The following SGCZ variants were observed in gnomAD, a reference collection of about 807,000 sequenced individuals.
SGCZ encodes sarcoglycan zeta, also known as zeta-sarcoglycan.
Under a neutral mutation model 41.3 loss-of-function variants are expected in SGCZ, and 40 were observed. That is an observed-to-expected ratio of 0.97 (90% CI 0.75 to 1.26). The LOEUF (loss-of-function observed/expected upper bound fraction) is 1.26, where lower values mean the gene tolerates loss of function less well. Among genes scored for constraint, SGCZ ranks in the 50% most tolerant of loss-of-function variants. The pLI, the probability that SGCZ is intolerant of heterozygous loss-of-function variation, is 0.00. For missense variants in SGCZ, 552 were observed against 369.8 expected (o/e 1.49, Z -4.04); for synonymous variants, 206 against 137.5 (o/e 1.50, Z -3.49).
intron 1 of SGCZ, among the ~76,000 whole-genome samples, chr8:14,957,021 T>C (rs1327558351): frequency 6.6e-6 from 1 of 152,068 alleles, no homozygotes; most frequent in Non-Finnish European, 1.5e-5. Flanking sequence ...CCTAGCACGA[T>C]AGAAAAAAAC....
intron 1 of SGCZ, among the ~76,000 whole-genome samples, chr8:15,053,201 T>C (rs528992032): frequency 6.6e-5 from 10 of 152,312 alleles, no homozygotes; most frequent in Admixed American, 5.2e-4. Context: ...CAAACACTAA[T>C]ACCACACCAT....
chr8:14,690,848 A>T (rs936020012), intron 1 of SGCZ, among the ~76,000 whole-genome samples: 1 of 152,184 alleles, frequency 6.6e-6, no homozygotes, highest in African/African-American at 2.4e-5. Context: ...ATTTATATGG[A>T]ATACAAATTT....
chr8:14,600,307 A>T (rs1352031875), intron 1 of SGCZ, among the ~76,000 whole-genome samples: 2 of 152,030 alleles, frequency 1.3e-5, no homozygotes, highest in African/African-American at 4.8e-5. Flanking sequence ...ATTTCCTTTA[A>T]CGGCATCTAT....
At chr8:15,064,864 T>A (rs1221486493) in intron 1 of SGCZ, among the ~76,000 whole-genome samples, 1 of 152,156 alleles carries the variant, frequency 6.6e-6, no homozygotes, top group African/African-American at 2.4e-5. Flanking sequence ...GAGCAGGATC[T>A]AGACCAAACC....
In SGCZ at chr8:14,595,052, A is replaced by G. The variant is rs887365198; in HGVS notation, c.40-40126T>C. 3.3e-5 allele frequency among the ~76,000 whole-genome samples: 5 copies of G among 150,322 alleles called. No individual in the cohort carries two copies. The East Asian group carries it at 9.6e-4, about 29-fold the overall frequency. ...CGTCTAATACTTTTTGAATTATAGA[A>G]ATGGCTTTACTTATTTCTATACTGT... On this transcript the variant is annotated intron_variant, in intron 1 of 7. Coordinates refer to ENST00000382080, the MANE Select transcript of SGCZ (RefSeq NM_139167.4).
chr8:14,560,229 T>C (rs1401285601), intron 1 of SGCZ, among the ~76,000 whole-genome samples: 1 of 151,968 alleles, frequency 6.6e-6, no homozygotes, highest in African/African-American at 2.4e-5. Context: ...CCAACACAGA[T>C]AAAAGATAAA....
At chr8:15,076,251 G>A (rs903185606) in intron 1 of SGCZ, among the ~76,000 whole-genome samples, 1 of 152,064 alleles carries the variant, frequency 6.6e-6, no homozygotes, top group African/African-American at 2.4e-5. Context: ...TGGAAAGAGA[G>A]GATTATTATA....
At chr8:14,313,920 G>C (rs1416965871) in intron 3 of SGCZ, among the ~76,000 whole-genome samples, 2,734 of 118,740 alleles carry the variant, frequency 0.023, 72 homozygotes, top group African/African-American at 0.085. Context: ...CTGTGTGTGT[G>C]TGTGTGTGTG....
intron 1 of SGCZ, among the ~76,000 whole-genome samples, chr8:14,799,690 ATTT>A (rs369207193): frequency 6.6e-6 from 1 of 150,878 alleles, no homozygotes; most frequent in African/African-American, 2.4e-5. Context: ...ATAAAAAAAA[ATTT>A]TTTTTTTTAA....
chr8:14,163,718 G>T (rs1441661590), intron 5 of SGCZ, among the ~76,000 whole-genome samples: 1 of 152,116 alleles, frequency 6.6e-6, no homozygotes, highest in Non-Finnish European at 1.5e-5. Flanking sequence ...CCCAAGAACA[G>T]AGTTGATGTT....
intron 1 of SGCZ, among the ~76,000 whole-genome samples, chr8:14,601,524 G>A (rs1165626486): frequency 6.6e-6 from 1 of 152,052 alleles, no homozygotes; most frequent in Non-Finnish European, 1.5e-5. Flanking sequence ...GACAATTTAT[G>A]TGTTTTATAT....
intron 1 of SGCZ, among the ~76,000 whole-genome samples, chr8:15,102,532 T>C (rs553149217): frequency 1.3e-5 from 2 of 152,120 alleles, no homozygotes; most frequent in South Asian, 4.1e-4. Flanking sequence ...TTGTTTGTAA[T>C]GATGTATCCA....
intron 1 of SGCZ, among the ~76,000 whole-genome samples, chr8:14,761,223 T>A (rs1355843290): frequency 2.0e-5 from 3 of 152,104 alleles, no homozygotes; most frequent in Non-Finnish European, 4.4e-5. Context: ...AAATTCACAA[T>A]AAATTCCTCT....
intron 2 of SGCZ, among the ~76,000 whole-genome samples, chr8:14,489,852 G>A (rs7835653): frequency 0.48 from 69,359 of 143,882 alleles, 16,822 homozygotes; most frequent in Admixed American, 0.54. Flanking sequence ...CTGGCTCGCC[G>A]AAAAATTCTC....
At chr8:14,328,035 A>C (rs1229295966) in intron 2 of SGCZ, among the ~76,000 whole-genome samples, 2 of 152,182 alleles carry the variant, frequency 1.3e-5, no homozygotes, top group Non-Finnish European at 2.9e-5. Flanking sequence ...ATCGCACTTC[A>C]CTGTGTCTAT....
At chr8:14,473,789 T>A (rs1585562486) in intron 2 of SGCZ, among the ~76,000 whole-genome samples, 2 of 151,778 alleles carry the variant, frequency 1.3e-5, no homozygotes, top group African/African-American at 2.4e-5. Context: ...TACAAAAAAA[T>A]TAGCCAGGCG....
rs1474798750 is a variant in SGCZ at position 15,082,395 on chromosome 8, T to TAC, written c.39+155188_39+155189dup. Among the ~76,000 whole-genome samples, 5 of 150,066 alleles carry TAC rather than the reference T, an allele frequency of 3.3e-5. No homozygotes were observed. In the South Asian group the frequency reaches 8.5e-4, roughly 25 times the overall value. ...TAATTAACAGATACATATATATATA[T>TAC]ACACACATATACACACACACATATA... On this transcript the variant is annotated intron_variant, in intron 1 of 7. Coordinates refer to ENST00000382080, the MANE Select transcript of SGCZ (RefSeq NM_139167.4).
intron 1 of SGCZ, among the ~76,000 whole-genome samples, chr8:14,610,171 C>A (rs1805880992): frequency 6.6e-6 from 1 of 152,058 alleles, no homozygotes; most frequent in African/African-American, 2.4e-5. Flanking sequence ...TGCAGGATGG[C>A]AGAATAAGTG....
intron 2 of SGCZ, among the ~76,000 whole-genome samples, chr8:14,408,984 T>TGTGTGTGTGTGCATGTGTGC (rs1799288788): frequency 1.3e-5 from 2 of 151,212 alleles, no homozygotes; most frequent in South Asian, 2.1e-4. Flanking sequence ...TGTGTGCGTG[T>TGTGTGTGTGTGCATGTGTGC]GTGTGTGTGT....
Sources: gnomAD v4.1 joint callset for allele counts (sites outside exome capture counted in the v4.1 genomes callset) on GRCh38, gnomAD v4.1.1 for gene constraint, MANE v1.5 for transcripts, NCBI Gene and HGNC (gene_info 2026-07-23, HGNC 2026-07-21) for gene names.